CORO1B: variants seen among roughly 807,000 people sequenced by gnomAD.
The protein encoded by CORO1B is coronin-1B.
A neutral mutation model predicts 51.1 loss-of-function variants in CORO1B; 30 were observed. The observed-to-expected ratio is 0.59, with a 90% CI of 0.44 to 0.80. The LOEUF (loss-of-function observed/expected upper bound fraction) is 0.80. CORO1B is among the 30% of genes least tolerant of loss of function. The pLI is 0.00. For synonymous variants in CORO1B, 310 were observed against 289.7 expected (o/e 1.07, Z -0.71); for missense variants, 648 against 700.4 (o/e 0.93, Z 0.84).
chr11:67,441,652 C>G, intron 4 of CORO1B, 81 bp downstream of exon 4: 2 of 1,530,182 alleles, frequency 1.3e-6, no homozygotes, highest in Non-Finnish European at 1.8e-6. Context: ...TCCCATTTGT[C>G]ATGTGGGCCC....
At position 67,442,059 on chromosome 11, in the gene CORO1B, C is replaced by G; in HGVS notation, c.231G>C (p.Thr77=). The G allele has an allele frequency of 1.2e-6, 2 of 1,612,868 alleles. No homozygotes were observed. Among genetic ancestry groups the G allele is most frequent in the South Asian group, 1.1e-5 (1 of 91,080 alleles). ...KTGRIDKAYP[T]VCGHTGPVLD... is the part of the protein sequence containing the mutation. ...GGACAGGTCCCGTGTGCCCACACAC[C>G]GTCGGGTAGGCCTTGTCAATGCGGC... The change falls in exon 3 of 11, where the codon ACG becomes ACC. Residue 77 remains threonine (T), a synonymous_variant. Coordinates refer to ENST00000341356, the MANE Select transcript of CORO1B (RefSeq NM_020441.3).
At chr11:67,442,209 C>T in intron 2 of CORO1B, 121 bp from the exon 3 acceptor site, 1 of 1,497,836 alleles carries the variant, frequency 6.7e-7, no homozygotes, top group Non-Finnish European at 9.0e-7. Context: ...TGACTGTGCC[C>T]CACTTGCCAG....
intron 8 of CORO1B, 40 bp from the exon 9 acceptor site, chr11:67,439,883 G>GCCCCCCCCCCCC: frequency 6.6e-7 from 1 of 1,509,456 alleles, no homozygotes; most frequent in Admixed American, 2.0e-5. Flanking sequence ...AACCCTCACC[G>GCCCCCCCCCCCC]CCCCCCCCAC....
Position 67,436,093 on chromosome 11 carries a change from TGGGGGGCTGGCCCAGAGC to T in CORO1B, c.*2265_*2282del. On this transcript the variant is annotated 3_prime_UTR_variant, in exon 11 of 11. Transcript: ENST00000341356. ...CAGCTCGGGCCTGCAGCCAGCGACC[TGGGGGGCTGGCCCAGAGC>T]AGGCGCCGCGTGCGGCCCCACAGCG... 5 of 1,610,404 alleles carry T rather than the reference TGGGGGGCTGGCCCAGAGC, an allele frequency of 3.1e-6. No homozygotes were observed. The highest frequency in any genetic ancestry group is 4.2e-6 in the Non-Finnish European group (5 of 1,178,732).
rs987388546 is a variant in CORO1B at position 67,437,209 on chromosome 11, G to T, written c.*1167C>A. 72 of 173,154 alleles carry T rather than the reference G, an allele frequency of 4.2e-4. No homozygotes were observed. Among genetic ancestry groups the T allele is most frequent in the Non-Finnish European group, 7.6e-4 (62 of 82,104 alleles). 10.7% of individuals were successfully genotyped at this position (173,154 alleles called of 1,614,324 possible). Reference sequence around the variant, plus strand: ...GGCGTGCAGGGCCGGGGGCTGGGGGGGGCTGGGGGAGGCGGGCGCAGCTGC... The same window carrying T: ...GGCGTGCAGGGCCGGGGGCTGGGGGTGGCTGGGGGAGGCGGGCGCAGCTGC... On this transcript the variant is annotated 3_prime_UTR_variant, in exon 11 of 11. Transcript: ENST00000341356.
At chr11:67,439,084 A>C in intron 9 of CORO1B, 135 bp from the exon 10 acceptor site, 3 of 1,037,964 alleles carry the variant, frequency 2.9e-6, no homozygotes, top group Non-Finnish European at 2.7e-6. Flanking sequence ...CTGGCCTTTA[A>C]CTTCCTTTCT....
In CORO1B at chr11:67,438,270, C is replaced by T; in HGVS notation, c.*106G>A. ...GTGGGGGTGGGAACTGACCCCTGCGCTGCCTCAGAGGCTCTGGGCAGCCAG... is the reference window on the plus strand; with the variant it reads ...GTGGGGGTGGGAACTGACCCCTGCGTTGCCTCAGAGGCTCTGGGCAGCCAG... On this transcript the variant is annotated 3_prime_UTR_variant, in exon 11 of 11. Transcript: ENST00000341356. 1 of 1,461,126 alleles carries T rather than the reference C, an allele frequency of 6.8e-7. No homozygotes were observed. The highest frequency in any genetic ancestry group is 9.2e-7 in the Non-Finnish European group (1 of 1,089,280). The allele number at this position is 1,461,126 out of a possible 1,614,324, so 90.5% of individuals were successfully genotyped here.
chr11:67,443,587 G>T, upstream of CORO1B: 1 of 687,396 alleles, frequency 1.5e-6, no homozygotes, highest in Non-Finnish European at 1.8e-6. Flanking sequence ...GCTGAGCGGC[G>T]CCGGGGGGCC....
At chr11:67,440,926 G>T in intron 6 of CORO1B, 199 bp downstream of exon 6, 1 of 714,068 alleles carries the variant, frequency 1.4e-6, no homozygotes, top group Non-Finnish European at 2.4e-6. Context: ...CAGAGGCAGT[G>T]GGAGGCCATG....
Position 67,438,954 on chromosome 11 carries a change from G to A in CORO1B, c.1066-5C>T. On this transcript the variant is annotated splice_region_variant and splice_polypyrimidine_tract_variant and intron_variant, in intron 9 of 10. Transcript: ENST00000341356. ...ATCATCCTGGAAGAGGTCCGACTGGGCAGGGGGCCGGGGAGGTCAGGATCA... is the reference window on the plus strand; with the variant it reads ...ATCATCCTGGAAGAGGTCCGACTGGACAGGGGGCCGGGGAGGTCAGGATCA... 1 of 1,596,686 alleles carries A rather than the reference G, an allele frequency of 6.3e-7. No homozygotes were observed. The highest frequency in any genetic ancestry group is 8.5e-7 in the Non-Finnish European group (1 of 1,169,982).
Position 67,439,820 on chromosome 11 carries a change from T to C in CORO1B, c.1031A>G (p.Lys344Arg). The C allele has an allele frequency of 6.3e-7, 1 of 1,588,488 alleles. No homozygotes were observed. The highest frequency in any genetic ancestry group is 1.8e-5 in the Admixed American group (1 of 55,322). ...IARFYKLHER[K>R]CEPIVMTVPR... The stretch of plus-strand genomic sequence containing the variant: ...CACAGTCATGACGATGGGCTCACAC[T>C]TGCGCTCATGCAGTTTGTAGAACCT... Residue 344 changes from lysine to arginine, a missense_variant, in exon 9 of 11, where the codon AAG becomes AGG. Coordinates refer to ENST00000341356, the MANE Select transcript of CORO1B (RefSeq NM_020441.3).
chr11:67,439,728 C>G (rs953926935), intron 9 of CORO1B, 58 bp downstream of exon 9: 1 of 1,518,324 alleles, frequency 6.6e-7, no homozygotes, highest in African/African-American at 1.4e-5. Flanking sequence ...CTGGTCACAA[C>G]TGCATGGCCC....
Position 67,440,454 on chromosome 11 carries a change from G to A in CORO1B, c.757-15C>T, listed in dbSNP as rs1169381003. Reference sequence around the variant, plus strand: ...TCGAGGTTTTCCTGGCACATTGCAGGCAGTCAGGCCAAGCAGAACCTCCTC... The same window carrying A: ...TCGAGGTTTTCCTGGCACATTGCAGACAGTCAGGCCAAGCAGAACCTCCTC... On this transcript the variant is annotated splice_polypyrimidine_tract_variant and intron_variant, in intron 6 of 10. Coordinates refer to ENST00000341356, the MANE Select transcript of CORO1B (RefSeq NM_020441.3). The A allele has an allele frequency of 3.1e-6, 5 of 1,612,228 alleles. No individual in the cohort carries two copies. Among genetic ancestry groups the A allele is most frequent in the Admixed American group, 1.7e-5 (1 of 59,968 alleles).
Position 67,442,406 on chromosome 11 carries a change from C to T in CORO1B, c.201+22G>A, listed in dbSNP as rs545494856. On this transcript the variant is annotated intron_variant, in intron 2 of 10. Transcript: ENST00000341356. ...GGGGTGGCCGAGGTGCCTCCTCTTCCCCCAACCCTGACAGGACCCACCTTG... is the reference window on the plus strand; with the variant it reads ...GGGGTGGCCGAGGTGCCTCCTCTTCTCCCAACCCTGACAGGACCCACCTTG... The T allele has an allele frequency of 8.1e-6, 13 of 1,610,590 alleles. No homozygotes were observed. In the African/African-American group the frequency reaches 1.3e-4, roughly 17 times the overall value.
chr11:67,440,381 A>C lies in CORO1B; in HGVS notation c.815T>G (p.Leu272Arg). Residue 272 changes from leucine to arginine, a missense_variant, in exon 7 of 11, where the codon CTG becomes CGG. Coordinates refer to ENST00000341356, the MANE Select transcript of CORO1B (RefSeq NM_020441.3). ...ACTGGTGTCGGGGTCGTAGAAGGGC[A>C]GCAGGGCCCCGTTGCTCGAGTCCAG... ...QELDSSNGAL[L>R]PFYDPDTSVV... The C allele has an allele frequency of 6.2e-7, 1 of 1,613,862 alleles. No homozygotes were observed. Among genetic ancestry groups the C allele is most frequent in the Non-Finnish European group, 8.5e-7 (1 of 1,179,980 alleles).
At chr11:67,443,087 TTC>T (rs1161499303) in intron 1 of CORO1B, among the ~76,000 whole-genome samples, 1 of 152,076 alleles carries the variant, frequency 6.6e-6, no homozygotes, top group African/African-American at 2.4e-5. Flanking sequence ...GAGTGCCCAG[TTC>T]TGAGTCCCAG....
In CORO1B at chr11:67,438,143, G is replaced by A; in HGVS notation, c.*233C>T. The stretch of plus-strand genomic sequence containing the variant: ...AGCAGAGGGCTGGGCAGTGGTCGGG[G>A]AGATGGTCCCTCAGAGGTCGAGGAG... On this transcript the variant is annotated 3_prime_UTR_variant, in exon 11 of 11. Coordinates refer to ENST00000341356, the MANE Select transcript of CORO1B (RefSeq NM_020441.3). 3 of 470,998 alleles carry A rather than the reference G, an allele frequency of 6.4e-6. No homozygotes were observed. Among genetic ancestry groups the A allele is most frequent in the Non-Finnish European group, 1.1e-5 (3 of 269,708 alleles). The allele number at this position is 470,998 out of a possible 1,614,324, so 29.2% of individuals were successfully genotyped here. A position where few individuals can be genotyped will look rare whatever the true frequency, so the allele number is the denominator to read the frequency against.
Position 67,435,751 on chromosome 11 carries a change from G to C in CORO1B, c.*2625C>G. ...CCGGCCTCTACAGTGCGGTGACATGGAGGCCCTGGCCCCCAGCTGCCCTGG... is the reference window on the plus strand; with the variant it reads ...CCGGCCTCTACAGTGCGGTGACATGCAGGCCCTGGCCCCCAGCTGCCCTGG... On this transcript the variant is annotated 3_prime_UTR_variant, in exon 11 of 11. Transcript: ENST00000341356. The C allele has an allele frequency of 6.5e-7, 1 of 1,546,060 alleles. No homozygotes were observed. Among genetic ancestry groups the C allele is most frequent in the Non-Finnish European group, 8.7e-7 (1 of 1,147,538 alleles).
intron 2 of CORO1B, 103 bp from the exon 3 acceptor site, chr11:67,442,191 C>T (rs1864410785): frequency 6.5e-7 from 1 of 1,546,482 alleles, no homozygotes; most frequent in Non-Finnish European, 8.8e-7. Context: ...TCACAGGTGG[C>T]CCAGATGTGA....
Sources: allele counts gnomAD v4.1 joint callset (sites outside exome capture counted in the v4.1 genomes callset), GRCh38; gene constraint gnomAD v4.1.1; transcripts MANE v1.5; gene names NCBI Gene and HGNC (gene_info 2026-07-23, HGNC 2026-07-21).